Variants in NOTUM observed in about 807,000 individuals in gnomAD.
The protein encoded by NOTUM is notum, palmitoleoyl-protein carboxylesterase, also known as palmitoleoyl-protein carboxylesterase NOTUM.
A neutral mutation model predicts 65.5 loss-of-function variants in NOTUM; 36 were observed. The observed-to-expected ratio is 0.55, with a 90% CI of 0.42 to 0.73. The LOEUF (loss-of-function observed/expected upper bound fraction) is 0.73, where lower values mean the gene tolerates loss of function less well. Among genes scored for constraint, NOTUM ranks in the 30% least tolerant of loss-of-function variants. NOTUM has a pLI of 0.00. For synonymous variants in NOTUM, 356 were observed against 297.9 expected, an observed-to-expected ratio of 1.20 and a Z score of -2.01; for missense variants, 659 against 694.2, an observed-to-expected ratio of 0.95 and a Z score of 0.57.
intron 8 of NOTUM, among the ~76,000 whole-genome samples, chr17:81,956,430 G>A (rs533737959): frequency 6.1e-4 from 93 of 152,190 alleles, no homozygotes; most frequent in African/African-American, 2.1e-3. Flanking sequence ...GCAGCGACTA[G>A]GCCCCCTGGC....
At chr17:81,953,288 A>AGG in intron 10 of NOTUM, 21 bp from the exon 11 acceptor site, 2 of 1,549,960 alleles carry the variant, frequency 1.3e-6, no homozygotes, top group Admixed American at 1.8e-5. Flanking sequence ...AAACCGGGGG[A>AGG]GGGGGTCACA....
Position 81,960,569 on chromosome 17 carries a change from G to C in NOTUM, c.323+18C>G. On this transcript the variant is annotated intron_variant, in intron 1 of 10. Coordinates refer to ENST00000409678, the MANE Select transcript of NOTUM (RefSeq NM_178493.6). This position sits in a 1 kb window ranked among gnomAD's most constrained non-coding sequence, Gnocchi z 6.4. ...GGCGCGTCGGGCGGGGCGGGGAGGT[G>C]CAGGGCGCGGGCCTTACCCGGCGGG... is the stretch of plus-strand genomic sequence containing the variant. The C allele has an allele frequency of 6.9e-7, 1 of 1,456,608 alleles. No individual in the cohort carries two copies. Among genetic ancestry groups the C allele is most frequent in the Non-Finnish European group, 9.2e-7 (1 of 1,087,636 alleles). 90.2% of individuals were successfully genotyped at this position (1,456,608 alleles called of 1,614,324 possible).
At chr17:81,957,614 G>A (rs2041443249) in intron 6 of NOTUM, among the ~76,000 whole-genome samples, 192 bp downstream of exon 6, 1 of 152,116 alleles carries the variant, frequency 6.6e-6, no homozygotes, top group African/African-American at 2.4e-5. Flanking sequence ...GCACTCTGAA[G>A]CCAGGCCTCA....
rs779658269 is a variant in NOTUM at position 81,960,600 on chromosome 17, C to T, written c.310G>A (p.Gly104Ser). Residue 104 changes from glycine (G) to serine (S), a missense_variant, in exon 1 of 11, where the codon GGC becomes AGC. Gly to Ser is a moderately conservative substitution (Grantham distance 56, BLOSUM62 0). Coordinates refer to ENST00000409678, the MANE Select transcript of NOTUM (RefSeq NM_178493.6). This position sits in a 1 kb window ranked among gnomAD's most constrained non-coding sequence, Gnocchi z 6.4. ...LLNTSVTCND[G>S]SPAGYYLKES... ...CGCGGGCCTTACCCGGCGGGGCTGC[C>T]GTCGTTGCAGGTCACCGAGGTGTTG... The T allele has an allele frequency of 1.3e-6, 2 of 1,508,264 alleles. No homozygotes were observed. The highest frequency in any genetic ancestry group is 9.0e-7 in the Non-Finnish European group (1 of 1,116,580). The allele number at this position is 1,508,264 out of a possible 1,614,324, so 93.4% of individuals were successfully genotyped here.
intron 3 of NOTUM, chr17:81,959,257 T>C (rs2041455945): frequency 1.6e-6 from 1 of 610,810 alleles, no homozygotes; most frequent in Non-Finnish European, 2.9e-6. Context: ...GCTTTGACCC[T>C]GGGGAGGGCC....
rs1308031299 is a variant in NOTUM, at chr17:81,957,066, C to G, written c.704G>C (p.Gly235Ala). The stretch of plus-strand genomic sequence containing the variant: ...GTCCACATTCAGGAGCACCCCGGTG[C>G]CCCCCGCGCTGCAAGGAGGGCCAGA... ...VLLLAGSSAG[G>A]TGVLLNVDRV... is the part of the protein sequence containing the mutation. The change falls in exon 7 of 11, where the codon GGC becomes GCC. Residue 235 changes from glycine (G) to alanine (A), a missense_variant. Coordinates refer to ENST00000409678, the MANE Select transcript of NOTUM (RefSeq NM_178493.6). 2 of 1,599,642 alleles carry G rather than the reference C, an allele frequency of 1.3e-6. No individual in the cohort carries two copies. Among genetic ancestry groups the G allele is most frequent in the Admixed American group, 1.7e-5 (1 of 59,744 alleles).
At position 81,960,273 on chromosome 17, in the gene NOTUM, C is replaced by A. The variant is rs574751125; in HGVS notation, c.323+314G>T. On this transcript the variant is annotated intron_variant, in intron 1 of 10. Coordinates refer to ENST00000409678, the MANE Select transcript of NOTUM (RefSeq NM_178493.6). This position sits in a 1 kb window ranked among gnomAD's most constrained non-coding sequence, Gnocchi z 6.4. The stretch of plus-strand genomic sequence containing the variant: ...GGCCTCTCCCCGCCCCCCGGTGTCG[C>A]CGGTTCCCGCTGGAGCCAGGCGCGC... 9.8e-5 allele frequency among the ~76,000 whole-genome samples: 15 copies of A among 152,286 alleles called. No homozygotes were observed. The highest frequency in any genetic ancestry group is 9.1e-4 in the Admixed American group (14 of 15,306).
chr17:81,952,887 G>A lies in NOTUM; in HGVS notation c.*74C>T, dbSNP rs180762412. On this transcript the variant is annotated 3_prime_UTR_variant, in exon 11 of 11. Transcript: ENST00000409678. ...CCCGAAGAGACGGGAGGGCCTGCTG[G>A]TGGGGGGTGAGGTGGCACTGGGGCA... The A allele has an allele frequency of 5.5e-4, 738 of 1,345,272 alleles. 1 individual carries two copies. Among genetic ancestry groups the A allele is most frequent in the South Asian group, 3.3e-3 (265 of 80,132 alleles). The allele number at this position is 1,345,272 out of a possible 1,614,324, so 83.3% of individuals were successfully genotyped here.
chr17:81,954,190 T>C, intron 10 of NOTUM, 66 bp downstream of exon 10: 3 of 1,197,872 alleles, frequency 2.5e-6, no homozygotes, highest in Admixed American at 1.7e-5. Context: ...CAAGTGCGGT[T>C]GGGGAGCATG....
chr17:81,958,466 A>G, intron 4 of NOTUM, 73 bp from the exon 5 acceptor site: 1 of 976,986 alleles, frequency 1.0e-6, no homozygotes, highest in East Asian at 2.4e-5. Context: ...CCCCCAGAAC[A>G]GGACCCTCAG....
At position 81,959,523 on chromosome 17, in the gene NOTUM, G is replaced by A. The variant is rs1237017325; in HGVS notation, c.420C>T (p.Tyr140=). 1.3e-6 allele frequency: 2 copies of A among 1,549,142 alleles called. No individual in the cohort carries two copies. Among genetic ancestry groups the A allele is most frequent in the Non-Finnish European group, 8.7e-7 (1 of 1,146,570 alleles). ...CFNRENCDSR[Y]DTMRRLMSSR... ...AGCTCATGAGGCGCCGCATGGTGTC[G>A]TATCTGGAGTCGCAGTTCTCGCGGT... Residue 140 remains tyrosine (Y), a synonymous_variant, in exon 3 of 11, where the codon TAC becomes TAT. Coordinates refer to ENST00000409678, the MANE Select transcript of NOTUM (RefSeq NM_178493.6).
intron 6 of NOTUM, 91 bp downstream of exon 6, chr17:81,957,715 C>T (rs2041443868): frequency 5.7e-6 from 5 of 874,626 alleles, no homozygotes; most frequent in African/African-American, 3.3e-5. Flanking sequence ...ACTCCATCCT[C>T]GCCTCTCATA....
Position 81,954,263 on chromosome 17 carries a change from T to A in NOTUM, c.1177A>T (p.Ile393Phe). 1.2e-6 allele frequency: 2 copies of A among 1,612,462 alleles called. No individual in the cohort carries two copies. The highest frequency in any genetic ancestry group is 1.7e-6 in the Non-Finnish European group (2 of 1,178,476). The change falls in exon 10 of 11, where the codon ATC becomes TTC. Residue 393 changes from isoleucine to phenylalanine, a missense_variant. Transcript: ENST00000409678. ...APACLSHEIIIRSHWTDVQVK... is the reference protein window; with the variant it reads ...APACLSHEIIFRSHWTDVQVK... Reference sequence around the variant, plus strand: ...CGGAGCAGGGACACTGACCTCCGGATGATGATCTCATGGGAGAGGCAGGCG... The same window carrying A: ...CGGAGCAGGGACACTGACCTCCGGAAGATGATCTCATGGGAGAGGCAGGCG...
intron 5 of NOTUM, 58 bp downstream of exon 5, chr17:81,958,277 T>G: frequency 8.4e-7 from 1 of 1,188,964 alleles, no homozygotes; most frequent in Non-Finnish European, 1.3e-6. Context: ...GCCTCCTCCC[T>G]GCCCTGCCAT....
chr17:81,955,360 C>T, intron 9 of NOTUM, 37 bp downstream of exon 9: 1 of 1,509,682 alleles, frequency 6.6e-7, no homozygotes, highest in Non-Finnish European at 9.0e-7. Context: ...AAGGAGGGAG[C>T]TACCCGGCGT....
In NOTUM at chr17:81,960,427, G is replaced by A. The variant is rs1035830120; in HGVS notation, c.323+160C>T. Among the ~76,000 whole-genome samples the A allele has an allele frequency of 6.6e-6, 1 of 152,200 alleles. No individual in the cohort carries two copies. The highest frequency in any genetic ancestry group is 6.5e-5 in the Admixed American group (1 of 15,292). ...TCCAGCGCCGCTCCGCTCCCCACGCGGAGAGTCACCGAACCGGGCACTCCT... is the reference window on the plus strand; with the variant it reads ...TCCAGCGCCGCTCCGCTCCCCACGCAGAGAGTCACCGAACCGGGCACTCCT... On this transcript the variant is annotated intron_variant, in intron 1 of 10. Transcript: ENST00000409678. This position sits in a 1 kb window ranked among gnomAD's most constrained non-coding sequence, Gnocchi z 6.4.
chr17:81,953,749 G>A (rs1400769577), intron 10 of NOTUM, among the ~76,000 whole-genome samples: 1 of 151,032 alleles, frequency 6.6e-6, no homozygotes, highest in Non-Finnish European at 1.5e-5. Flanking sequence ...GATTACAGGT[G>A]TGAGCCACTG....
At chr17:81,959,138 C>T (rs1378641810) in intron 3 of NOTUM, 143 bp from the exon 4 acceptor site, 1 of 723,096 alleles carries the variant, frequency 1.4e-6, no homozygotes, top group Non-Finnish European at 2.4e-6. Flanking sequence ...CCAAGGTTGC[C>T]GGGAAAGTGG....
rs892788187 is a variant in NOTUM at position 81,960,379 on chromosome 17, C to T, written c.323+208G>A. Among the ~76,000 whole-genome samples the T allele has an allele frequency of 6.6e-6, 1 of 152,202 alleles. No homozygotes were observed. Among genetic ancestry groups the T allele is most frequent in the African/African-American group, 2.4e-5 (1 of 41,456 alleles). Reference sequence around the variant, plus strand: ...GCCCAGAGGCCGAGGGGTCAGTGCCCGAGCTGGCCGGGGACCAGCCCTTCC... The same window carrying T: ...GCCCAGAGGCCGAGGGGTCAGTGCCTGAGCTGGCCGGGGACCAGCCCTTCC... On this transcript the variant is annotated intron_variant, in intron 1 of 10. Coordinates refer to ENST00000409678, the MANE Select transcript of NOTUM (RefSeq NM_178493.6). This position sits in a 1 kb window ranked among gnomAD's most constrained non-coding sequence, Gnocchi z 6.4.
Sources: allele counts gnomAD v4.1 joint callset (sites outside exome capture counted in the v4.1 genomes callset), GRCh38; gene constraint gnomAD v4.1.1; non-coding constraint Gnocchi (gnomAD v3.1); transcripts MANE v1.5; gene names NCBI Gene and HGNC (gene_info 2026-07-23, HGNC 2026-07-21).